Variants in NCALD observed in about 807,000 individuals in gnomAD.
NCALD encodes the protein neurocalcin delta.
In NCALD, 10 loss-of-function variants were observed where a neutral mutation model predicts 18.6. The ratio of observed to expected loss-of-function variants is 0.54; its 90% CI spans 0.33 to 0.91. The LOEUF (loss-of-function observed/expected upper bound fraction) is 0.91, where lower values mean the gene tolerates loss of function less well. Among genes scored for constraint, NCALD ranks in the 40% least tolerant of loss-of-function variants. The pLI is 0.03. For synonymous variants in NCALD, 88 were observed against 87.4 expected (o/e 1.01, Z -0.04); for missense variants, 184 against 247.6 (o/e 0.74, Z 1.72).
chr8:101,901,298 CAA>C (rs60499816), intron 3 of NCALD, among the ~76,000 whole-genome samples: 1 of 148,514 alleles, frequency 6.7e-6, no homozygotes, highest in African/African-American at 2.5e-5. Flanking sequence ...TCCATCATGT[CAA>C]AAAAAAAATC....
At chr8:101,898,288 T>A (rs989240035) in intron 3 of NCALD, among the ~76,000 whole-genome samples, 1 of 152,184 alleles carries the variant, frequency 6.6e-6, no homozygotes, top group African/African-American at 2.4e-5. Flanking sequence ...CCCCAGTAGC[T>A]AGGGATGCTG....
Position 101,871,864 on chromosome 8 carries a change from G to C in NCALD, c.-20+15277C>G. 6.9e-6 allele frequency: 4 copies of C among 581,758 alleles called. No homozygotes were observed. The South Asian group carries it at 8.2e-5, about 12-fold the overall frequency. 36.0% of individuals were successfully genotyped at this position (581,758 alleles called of 1,614,324 possible). On this transcript the variant is annotated intron_variant, in intron 4 of 6. Transcript: ENST00000311028. The stretch of plus-strand genomic sequence containing the variant: ...CTTGGAATCGCTGTCCCTCCTCATG[G>C]GGACAGAGCTCTGCACTGAAGACAG...
At chr8:101,792,043 C>G (rs1008488625), upstream of NCALD, among the ~76,000 whole-genome samples, 5 of 152,120 alleles carry the variant, frequency 3.3e-5, no homozygotes, top group African/African-American at 1.2e-4. Flanking sequence ...AGAAGGTACT[C>G]TGAAAAAGAC....
chr8:101,820,834 C>T (rs546258699), intron 4 of NCALD, among the ~76,000 whole-genome samples: 17 of 152,170 alleles, frequency 1.1e-4, no homozygotes, highest in African/African-American at 1.9e-4. Flanking sequence ...GCAATATTTG[C>T]GTTAGCTACA....
At chr8:101,999,161 T>A (rs1821351080) in intron 2 of NCALD, among the ~76,000 whole-genome samples, 2 of 149,994 alleles carry the variant, frequency 1.3e-5, no homozygotes, top group Non-Finnish European at 2.9e-5. Context: ...TTGAATAATA[T>A]GAGCTCTTTA....
chr8:101,742,938 C>A (rs1423468777), intron 1 of NCALD, among the ~76,000 whole-genome samples: 3 of 152,104 alleles, frequency 2.0e-5, no homozygotes, highest in South Asian at 2.1e-4. Flanking sequence ...GTTTTCTATT[C>A]CTGTGTTAGT....
rs141986137 is a variant in NCALD, at chr8:102,101,581, G to A, written c.-210+22656C>T. 2.5e-3 allele frequency among the ~76,000 whole-genome samples: 379 copies of A among 152,254 alleles called. 1 individual carries two copies. The highest frequency in any genetic ancestry group is 0.017 in the Middle Eastern group (5 of 294). On this transcript the variant is annotated intron_variant, in intron 1 of 6. Coordinates refer to the NCALD transcript ENST00000311028. ...ATATCGCAACCATAACCTTATTCTCGGAAGCTTTGAACAAGTGGAAATGGG... is the reference window on the plus strand; with the variant it reads ...ATATCGCAACCATAACCTTATTCTCAGAAGCTTTGAACAAGTGGAAATGGG...
At chr8:101,780,279 T>G (rs1811958307) in intron 1 of NCALD, among the ~76,000 whole-genome samples, 1 of 152,122 alleles carries the variant, frequency 6.6e-6, no homozygotes, top group South Asian at 2.1e-4. Flanking sequence ...AAGTAAGTGA[T>G]TTGGAACACA....
chr8:101,780,712 T>G (rs1811977551), intron 1 of NCALD, among the ~76,000 whole-genome samples: 1 of 152,146 alleles, frequency 6.6e-6, no homozygotes, highest in Admixed American at 6.6e-5. Context: ...ATGGCTAAAA[T>G]GGTAAATTTT....
chr8:101,712,602 A>AAG (rs1418614139), intron 2 of NCALD, among the ~76,000 whole-genome samples: 4,735 of 129,690 alleles, frequency 0.037, 316 homozygotes, highest in African/African-American at 0.13. Context: ...AAAAAAAAAA[A>AAG]AAAAAAAAAT....
rs1001923510 is a variant in NCALD, at chr8:101,998,953, T to C, written c.-157+21284A>G. 1.9e-4 allele frequency among the ~76,000 whole-genome samples: 29 copies of C among 152,002 alleles called. 1 individual carries two copies. Among genetic ancestry groups the C allele is most frequent in the Admixed American group, 1.8e-3 (28 of 15,246 alleles). ...TAGCCTTCTCTTTTAGCAAACTTAG[T>C]GTATTTAATGTCAAACTTAATGGCA... On this transcript the variant is annotated intron_variant, in intron 2 of 6. Transcript: ENST00000311028.
intron 1 of NCALD, among the ~76,000 whole-genome samples, chr8:101,763,255 G>C (rs1048772450): frequency 6.6e-6 from 1 of 152,162 alleles, no homozygotes; most frequent in Non-Finnish European, 1.5e-5. Flanking sequence ...CTGGAACAGG[G>C]CTCCTTGAGC....
intron 2 of NCALD, among the ~76,000 whole-genome samples, chr8:101,712,587 CAAAAAAAA>C (rs201729096): frequency 4.6e-4 from 36 of 78,910 alleles, no homozygotes; most frequent in East Asian, 2.8e-3. Flanking sequence ...AAATGGAAAG[CAAAAAAAA>C]AAAAAAAAAA....
intron 3 of NCALD, chr8:101,692,472 G>C (rs1318853750): frequency 1.0e-6 from 1 of 985,296 alleles, no homozygotes; most frequent in Non-Finnish European, 1.2e-6. Context: ...CTATAGCCTA[G>C]GCCTGTCCCA....
At chr8:102,008,066 C>T (rs907172974) in intron 2 of NCALD, among the ~76,000 whole-genome samples, 1 of 152,168 alleles carries the variant, frequency 6.6e-6, no homozygotes, top group Non-Finnish European at 1.5e-5. Flanking sequence ...ATTTTCTATG[C>T]CTTTGGCATG....
chr8:101,810,962 A>G (rs1457055398), intron 4 of NCALD, among the ~76,000 whole-genome samples: 1 of 152,182 alleles, frequency 6.6e-6, no homozygotes, highest in Admixed American at 6.5e-5. Context: ...TAAAAAATCA[A>G]TTTCAGAAAA....
rs558771856 is a variant in NCALD at position 101,939,328 on chromosome 8, A to G, written c.-156-23470T>C. On this transcript the variant is annotated intron_variant, in intron 2 of 6. Coordinates refer to the NCALD transcript ENST00000311028. The stretch of plus-strand genomic sequence containing the variant: ...GATTCAGATTCATTGAATGAAAAGC[A>G]TATCTTAATTGATAAGATGTCTGAA... Among the ~76,000 whole-genome samples, 11 of 152,372 alleles carry G rather than the reference A, an allele frequency of 7.2e-5. No individual in the cohort carries two copies. The East Asian group carries it at 1.2e-3, about 16-fold the overall frequency.
At chr8:101,857,340 C>T (rs1165047028) in intron 4 of NCALD, among the ~76,000 whole-genome samples, 1 of 152,158 alleles carries the variant, frequency 6.6e-6, no homozygotes, top group East Asian at 1.9e-4. Context: ...TCCAGCATGG[C>T]TCCTATCCCA....
intron 4 of NCALD, among the ~76,000 whole-genome samples, chr8:101,843,726 C>T (rs1051481182): frequency 2.6e-4 from 40 of 151,874 alleles, no homozygotes; most frequent in African/African-American, 8.2e-4. Flanking sequence ...GGATTACAGG[C>T]GTGTGCCACC....
Sources: gnomAD v4.1 joint callset for allele counts (sites outside exome capture counted in the v4.1 genomes callset) on GRCh38, gnomAD v4.1.1 for gene constraint, MANE v1.5 for transcripts, NCBI Gene and HGNC (gene_info 2026-07-23, HGNC 2026-07-21) for gene names.